Variants in SYNPR observed in about 807,000 individuals in gnomAD.
SYNPR encodes the protein synaptoporin.
In SYNPR, 23 loss-of-function variants were observed where a neutral mutation model predicts 32.9. The observed-to-expected ratio is 0.70, with a 90% CI of 0.50 to 0.99. The LOEUF is 0.99. Ranked by LOEUF, SYNPR falls within the 50% of genes least tolerant of loss-of-function variation. The probability of loss-of-function intolerance (pLI) is 0.00; values close to 1 mark genes in which losing one functional copy is unlikely to be tolerated. For missense variants in SYNPR, 318 were observed against 349.3 expected, an observed-to-expected ratio of 0.91 and a Z score of 0.71; for synonymous variants, 146 against 135.9, an observed-to-expected ratio of 1.07 and a Z score of -0.52.
intron 4 of SYNPR, among the ~76,000 whole-genome samples, chr3:63,578,720 T>C (rs1047133429): frequency 5.3e-5 from 8 of 152,156 alleles, no homozygotes; most frequent in Non-Finnish European, 8.8e-5. Flanking sequence ...TTTTTTCTTC[T>C]GTATAATTTT....
chr3:63,490,876 G>A (rs957392164), intron 3 of SYNPR, among the ~76,000 whole-genome samples: 1 of 151,998 alleles, frequency 6.6e-6, no homozygotes, highest in Non-Finnish European at 1.5e-5. Context: ...GATTCTCCAT[G>A]CCTCAGCCTC....
At chr3:63,207,415 G>C in the SYNPR span, among the ~76,000 whole-genome samples, 1 of 152,164 alleles carries the variant, frequency 6.6e-6, no homozygotes, top group Non-Finnish European at 1.5e-5. Context: ...TCTTTGGTTT[G>C]ACTAGCTCAT....
At chr3:63,544,119 G>A (rs1157380831) in intron 3 of SYNPR, among the ~76,000 whole-genome samples, 1 of 152,056 alleles carries the variant, frequency 6.6e-6, no homozygotes, top group Non-Finnish European at 1.5e-5. Context: ...GCTTTTGAAA[G>A]ATACCTGGTT....
intron 2 of SYNPR, among the ~76,000 whole-genome samples, chr3:63,448,681 A>G (rs1363273442): frequency 6.6e-6 from 1 of 152,034 alleles, no homozygotes; most frequent in African/African-American, 2.4e-5. Flanking sequence ...TTTTTATTTA[A>G]TAAATATTTA....
At chr3:63,404,446 C>A (rs151224542) in intron 2 of SYNPR, among the ~76,000 whole-genome samples, 22 of 152,130 alleles carry the variant, frequency 1.4e-4, no homozygotes, top group African/African-American at 4.1e-4. Context: ...CAGACAAGAT[C>A]CCTTATTTAA....
intron 2 of SYNPR, among the ~76,000 whole-genome samples, chr3:63,331,823 C>T (rs1365530926): frequency 6.6e-6 from 1 of 152,196 alleles, no homozygotes; most frequent in Non-Finnish European, 1.5e-5. Context: ...AGACTTCTCA[C>T]AACAAATCAA....
intron 4 of SYNPR, among the ~76,000 whole-genome samples, chr3:63,591,745 G>C (rs1166066070): frequency 7.7e-6 from 1 of 129,326 alleles, no homozygotes; most frequent in African/African-American, 2.9e-5. Flanking sequence ...TCATAGGTGG[G>C]AATTGAACAA....
chr3:63,493,169 T>C (rs1423105986), intron 3 of SYNPR, among the ~76,000 whole-genome samples: 2 of 152,076 alleles, frequency 1.3e-5, no homozygotes, highest in Non-Finnish European at 2.9e-5. Flanking sequence ...TGGAGACCTG[T>C]GTTCCCTCTC....
intron 2 of SYNPR, among the ~76,000 whole-genome samples, chr3:63,292,722 A>G (rs932585936): frequency 2.6e-5 from 4 of 152,254 alleles, no homozygotes; most frequent in Non-Finnish European, 4.4e-5. Context: ...AAAACTTTGC[A>G]AAGAAAGCAT....
intron 4 of SYNPR, among the ~76,000 whole-genome samples, chr3:63,606,062 T>A (rs1325987005): frequency 6.6e-6 from 1 of 152,228 alleles, no homozygotes; most frequent in Non-Finnish European, 1.5e-5. Context: ...ATCCTCACTA[T>A]CATCCTACAA....
chr3:63,412,252 C>T (rs1003690630), intron 2 of SYNPR, among the ~76,000 whole-genome samples: 3 of 152,076 alleles, frequency 2.0e-5, no homozygotes, highest in African/African-American at 7.2e-5. Context: ...GTCTCTGAAG[C>T]ATTCAAGAGA....
intron 2 of SYNPR, among the ~76,000 whole-genome samples, chr3:63,363,862 C>T (rs1299118484): frequency 6.6e-6 from 1 of 152,138 alleles, no homozygotes; most frequent in Non-Finnish European, 1.5e-5. Flanking sequence ...TGCCCAGACT[C>T]TTTTTATAAC....
intron 4 of SYNPR, among the ~76,000 whole-genome samples, chr3:63,562,518 T>C (rs1343962866): frequency 6.6e-6 from 1 of 152,196 alleles, no homozygotes; most frequent in Non-Finnish European, 1.5e-5. Flanking sequence ...AGGCAGTTTA[T>C]GGGACCAGGA....
intron 3 of SYNPR, among the ~76,000 whole-genome samples, chr3:63,503,392 T>A (rs1355465325): frequency 6.6e-6 from 1 of 152,136 alleles, no homozygotes; most frequent in Non-Finnish European, 1.5e-5. Flanking sequence ...TCCAAGTCTA[T>A]GGCTTGTCTT....
At chr3:63,536,843 A>G (rs553853969) in intron 3 of SYNPR, among the ~76,000 whole-genome samples, 1 of 152,298 alleles carries the variant, frequency 6.6e-6, no homozygotes, top group South Asian at 2.1e-4. Flanking sequence ...AACCTTCAAA[A>G]CATCATGCTA....
At chr3:63,518,209 A>C (rs1701835632) in intron 3 of SYNPR, among the ~76,000 whole-genome samples, 1 of 152,124 alleles carries the variant, frequency 6.6e-6, no homozygotes, top group Admixed American at 6.5e-5. Context: ...GAAGAGGCAG[A>C]GGGGGAGGGG....
At chr3:63,502,688 T>C (rs1335264156) in intron 3 of SYNPR, among the ~76,000 whole-genome samples, 5 of 152,228 alleles carry the variant, frequency 3.3e-5, no homozygotes, top group African/African-American at 9.6e-5. Context: ...CTTAGTAATA[T>C]GCATTTAAGT....
chr3:63,587,578 T>C (rs1198587692), intron 4 of SYNPR, among the ~76,000 whole-genome samples: 1 of 146,764 alleles, frequency 6.8e-6, no homozygotes, highest in Non-Finnish European at 1.5e-5. Flanking sequence ...TGGAGAAAGA[T>C]GTGCAATTTT....
At chr3:63,338,607 G>C (rs2087324241) in intron 2 of SYNPR, among the ~76,000 whole-genome samples, 1 of 152,112 alleles carries the variant, frequency 6.6e-6, no homozygotes, top group Non-Finnish European at 1.5e-5. Flanking sequence ...GATTCTAATA[G>C]AATGATTATA....
Sources: gnomAD v4.1 joint callset for allele counts (sites outside exome capture counted in the v4.1 genomes callset) on GRCh38, gnomAD v4.1.1 for gene constraint, MANE v1.5 for transcripts, NCBI Gene and HGNC (gene_info 2026-07-23, HGNC 2026-07-21) for gene names.